RRM2: variants seen among roughly 807,000 people sequenced by gnomAD.
The protein encoded by RRM2 is ribonucleotide reductase regulatory subunit M2.
In RRM2, 6 loss-of-function variants were observed where a neutral mutation model predicts 45.9. The ratio of observed to expected loss-of-function variants is 0.13; its 90% CI spans 0.07 to 0.26. The LOEUF is 0.26. Ranked by LOEUF, RRM2 falls within the 10% of genes least tolerant of loss-of-function variation. The pLI is 1.00. For missense variants in RRM2, 343 were observed against 489.5 expected (o/e 0.70, Z 2.82); for synonymous variants, 177 against 173.0 (o/e 1.02, Z -0.18).
At chr2:10,156,936 G>A (rs923026558) in intron 3 of RRM2, among the ~76,000 whole-genome samples, 14 of 151,524 alleles carry the variant, frequency 9.2e-5, no homozygotes, top group African/African-American at 3.4e-4. Flanking sequence ...CAGCCACAGT[G>A]CCCAGCCAGA....
chr2:10,147,451 G>A (rs1462558984), intron 3 of RRM2, among the ~76,000 whole-genome samples: 1 of 151,710 alleles, frequency 6.6e-6, no homozygotes, highest in Non-Finnish European at 1.5e-5. Flanking sequence ...GCTAATTTTT[G>A]TATTTTTTTT....
rs577231210 is a variant in RRM2, at chr2:10,144,447, A to G, written n.482+2072A>G. ...ATTCGGCATCCCTGTGGTTCTAGAGATTTCTGGGGCCTCGGGGCTGTAGCA... is the reference window on the plus strand; with the variant it reads ...ATTCGGCATCCCTGTGGTTCTAGAGGTTTCTGGGGCCTCGGGGCTGTAGCA... On this transcript the variant is annotated intron_variant and non_coding_transcript_variant, in intron 3 of 3. Transcript: ENST00000381786. 2.0e-5 allele frequency among the ~76,000 whole-genome samples: 3 copies of G among 152,242 alleles called. No individual in the cohort carries two copies. The South Asian group carries it at 6.2e-4, about 32-fold the overall frequency.
At chr2:10,162,569 A>G (rs928063972) in intron 3 of RRM2, among the ~76,000 whole-genome samples, 1 of 152,028 alleles carries the variant, frequency 6.6e-6, no homozygotes, top group Non-Finnish European at 1.5e-5. Context: ...GTGGGAAACC[A>G]TCTTCCTTCA....
downstream of RRM2, among the ~76,000 whole-genome samples, chr2:10,135,108 T>C (rs1353838909): frequency 6.6e-6 from 1 of 152,166 alleles, no homozygotes; most frequent in South Asian, 2.1e-4. Flanking sequence ...CATGCCAAGG[T>C]TTTACCATTC....
At chr2:10,150,072 T>C (rs1663273720) in intron 3 of RRM2, among the ~76,000 whole-genome samples, 2 of 152,038 alleles carry the variant, frequency 1.3e-5, no homozygotes, top group Non-Finnish European at 2.9e-5. Flanking sequence ...CCAGCACTTT[T>C]GGAGGACGAG....
intron 5 of RRM2, among the ~76,000 whole-genome samples, chr2:10,126,156 T>G (rs1662773487): frequency 8.8e-6 from 1 of 113,702 alleles, no homozygotes. Flanking sequence ...GAGACCCTCA[T>G]CTCTTTAAAA....
intron 3 of RRM2, among the ~76,000 whole-genome samples, chr2:10,163,597 C>T (rs1057070724): frequency 5.3e-5 from 8 of 152,158 alleles, no homozygotes; most frequent in South Asian, 2.1e-4. Context: ...CCACTCATCC[C>T]GGGCAGTGGC....
chr2:10,163,380 C>T (rs1663610031), intron 3 of RRM2, among the ~76,000 whole-genome samples: 1 of 151,846 alleles, frequency 6.6e-6, no homozygotes, highest in Non-Finnish European at 1.5e-5. Context: ...GGGCCAAGCC[C>T]ACCACCTGCA....
In RRM2 at chr2:10,129,647, C is replaced by G; in HGVS notation, c.*261C>G. 1 of 469,328 alleles carries G rather than the reference C, an allele frequency of 2.1e-6. No homozygotes were observed. The highest frequency in any genetic ancestry group is 3.4e-5 in the South Asian group (1 of 29,680). 29.1% of individuals were successfully genotyped at this position (469,328 alleles called of 1,614,324 possible). A position where few individuals can be genotyped will look rare whatever the true frequency, so the allele number is the denominator to read the frequency against. Reference sequence around the variant, plus strand: ...TCTTGGCTTTAAAGTGAGGGGTGACCCTTTAGTGAGCTTAGCACAGCGGGA... The same window carrying G: ...TCTTGGCTTTAAAGTGAGGGGTGACGCTTTAGTGAGCTTAGCACAGCGGGA... On this transcript the variant is annotated 3_prime_UTR_variant, in exon 10 of 10. Transcript: ENST00000304567. This position sits in a 1 kb window ranked among gnomAD's most constrained non-coding sequence, Gnocchi z 4.8.
intron 3 of RRM2, chr2:10,142,478 C>G: frequency 8.6e-7 from 1 of 1,162,322 alleles, no homozygotes; most frequent in Admixed American, 2.0e-5. Flanking sequence ...GTACAGGGCC[C>G]CCACGCACCC....
At chr2:10,166,362 C>T (rs148253002) in intron 3 of RRM2, among the ~76,000 whole-genome samples, 1,652 of 152,330 alleles carry the variant, frequency 0.011, 22 homozygotes, top group Non-Finnish European at 0.017. Flanking sequence ...GCCCTGCTCG[C>T]ACCCCAGGTT....
chr2:10,163,078 G>C (rs1187454086), intron 3 of RRM2, among the ~76,000 whole-genome samples: 1 of 152,242 alleles, frequency 6.6e-6, no homozygotes. Flanking sequence ...CTGCACAAAG[G>C]CACTCTCAGA....
Position 10,172,902 on chromosome 2 carries a change from T to G in RRM2, n.482+30527T>G, listed in dbSNP as rs1410437390. Among the ~76,000 whole-genome samples the G allele has an allele frequency of 6.6e-6, 1 of 152,174 alleles. No individual in the cohort carries two copies. Among genetic ancestry groups the G allele is most frequent in the Admixed American group, 6.5e-5 (1 of 15,284 alleles). On this transcript the variant is annotated intron_variant and non_coding_transcript_variant, in intron 3 of 3. Transcript: ENST00000381786. The surrounding 1 kb of genome is among the most constrained non-coding windows in gnomAD (Gnocchi z 4.9). The stretch of plus-strand genomic sequence containing the variant: ...ATACCGGTGATGCCAACCCCCTGAG[T>G]CCCGGGGAACAGTGGCAAATCAGCA...
At position 10,172,025 on chromosome 2, in the gene RRM2, C is replaced by G. The variant is rs558315542; in HGVS notation, n.482+29650C>G. 6.6e-6 allele frequency among the ~76,000 whole-genome samples: 1 copy of G among 152,160 alleles called. No homozygotes were observed. The highest frequency in any genetic ancestry group is 1.9e-4 in the East Asian group (1 of 5,200). ...GCCCTGCTAGTCCAGGCCGGGCCAG[C>G]GCCCAAGGATGAGGGGAAGCACAGC... On this transcript the variant is annotated intron_variant and non_coding_transcript_variant, in intron 3 of 3. Transcript: ENST00000381786. The surrounding 1 kb of genome is among the most constrained non-coding windows in gnomAD (Gnocchi z 4.9).
chr2:10,141,761 C>T (rs1231649021), intron 1 of RRM2: 5 of 1,429,722 alleles, frequency 3.5e-6, no homozygotes, highest in South Asian at 1.3e-5. Context: ...AACAGAGCCC[C>T]AGGAGGTGGC....
rs1378629137 is a variant in RRM2, at chr2:10,129,160, G to C, written c.1017+6G>C. On this transcript the variant is annotated splice_donor_region_variant and intron_variant, in intron 9 of 9. Coordinates refer to ENST00000304567, the MANE Select transcript of RRM2 (RefSeq NM_001034.4). This position sits in a 1 kb window ranked among gnomAD's most constrained non-coding sequence, Gnocchi z 4.8. ...TGGAACTGGGTTTTAGCAAGGTAAA[G>C]TATTGTTTACATAGCCTTTTGCTTG... 5 of 1,613,924 alleles carry C rather than the reference G, an allele frequency of 3.1e-6. No individual in the cohort carries two copies. The highest frequency in any genetic ancestry group is 4.2e-6 in the Non-Finnish European group (5 of 1,179,896).
In RRM2 at chr2:10,126,968, T is replaced by C. The variant is rs756315194; in HGVS notation, c.663T>C (p.Tyr221=). 3.1e-6 allele frequency: 5 copies of C among 1,613,974 alleles called. No individual in the cohort carries two copies. The highest frequency in any genetic ancestry group is 4.2e-6 in the Non-Finnish European group (5 of 1,179,888). ...LRWIGDKEAT[Y]GERVVAFAAV... ...GGATTGGGGACAAAGAGGCTACCTA[T>C]GGTAAGGAGACCCTTGCCCCTACTT... Residue 221 remains tyrosine (Y), a splice_region_variant and synonymous_variant, in exon 6 of 10, where the codon TAT becomes TAC. Coordinates refer to ENST00000304567, the MANE Select transcript of RRM2 (RefSeq NM_001034.4).
rs1310203613 is a variant in RRM2, at chr2:10,127,255, C to T, written c.798+35C>T. 3 of 1,600,106 alleles carry T rather than the reference C, an allele frequency of 1.9e-6. No homozygotes were observed. Among genetic ancestry groups the T allele is most frequent in the Non-Finnish European group, 2.6e-6 (3 of 1,173,544 alleles). On this transcript the variant is annotated intron_variant, in intron 7 of 9. Transcript: ENST00000304567. The surrounding 1 kb of genome is among the most constrained non-coding windows in gnomAD (Gnocchi z 4.1). The stretch of plus-strand genomic sequence containing the variant: ...AGTCAAATAATAGGGTGACCTAAAC[C>T]CCAAACACAACTCGGGCATGCTCTT...
rs1186237136 is a variant in RRM2, at chr2:10,171,304, A to G, written n.482+28929A>G. Among the ~76,000 whole-genome samples the G allele has an allele frequency of 6.6e-6, 1 of 152,242 alleles. No individual in the cohort carries two copies. Among genetic ancestry groups the G allele is most frequent in the Non-Finnish European group, 1.5e-5 (1 of 68,036 alleles). ...ACAAACACAGAGCAACTCCTTGCTA[A>G]CAGCCATGCAGTACCAAGCAAGGCA... is the stretch of plus-strand genomic sequence containing the variant. On this transcript the variant is annotated intron_variant and non_coding_transcript_variant, in intron 3 of 3. Coordinates refer to the RRM2 transcript ENST00000381786. The surrounding 1 kb of genome is among the most constrained non-coding windows in gnomAD (Gnocchi z 4.1).
Sources: gnomAD v4.1 joint callset for allele counts (sites outside exome capture counted in the v4.1 genomes callset) on GRCh38, gnomAD v4.1.1 for gene constraint, Gnocchi (gnomAD v3.1) non-coding constraint, MANE v1.5 for transcripts, NCBI Gene and HGNC (gene_info 2026-07-23, HGNC 2026-07-21) for gene names.